NLGN4Y: variants seen among roughly 807,000 people sequenced by gnomAD.
NLGN4Y encodes neuroligin 4 Y-linked, also known as neuroligin-4, Y-linked.
Under a neutral mutation model 8.4 loss-of-function variants are expected in NLGN4Y, and 4 were observed. The observed-to-expected ratio is 0.48, with a 90% CI of 0.23 to 1.09. The LOEUF is 1.09. NLGN4Y is among the 50% of genes least tolerant of loss of function. NLGN4Y has a pLI of 0.19. For missense variants in NLGN4Y, 90 were observed against 192.3 expected (o/e 0.47, Z 3.15); for synonymous variants, 35 against 75.6 (o/e 0.46, Z 2.78).
chrY:14,818,614 C>T (rs778265557), intron 4 of NLGN4Y, among the ~76,000 whole-genome samples: 1 of 33,333 alleles, frequency 3.0e-5, no homozygotes, highest in African/African-American at 1.2e-4. Context: ...AACCTTTGTC[C>T]TCTGGGGCAG....
At position 14,741,765 on chromosome Y, in the gene NLGN4Y, T is replaced by C. The variant is rs978581092; in HGVS notation, c.685+18496T>C. 3.2e-4 allele frequency among the ~76,000 whole-genome samples: 11 copies of C among 34,045 alleles called. No homozygotes were observed. The East Asian group carries it at 8.6e-3, about 27-fold the overall frequency. 91.3% of individuals were successfully genotyped at this position (34,045 alleles called of 37,273 possible). On this transcript the variant is annotated intron_variant, in intron 4 of 6. Transcript: ENST00000684976. ...TTTTTCCTCCTTTTTTTTCCCCCGA[T>C]GTTTAAAATGCAACTGCCATGGGGC...
chrY:14,530,557 A>G, intron 1 of NLGN4Y, among the ~76,000 whole-genome samples: 1 of 32,881 alleles, frequency 3.0e-5, no homozygotes, highest in Admixed American at 2.8e-4. Flanking sequence ...TGGTGAAACT[A>G]TATGTGTGAC....
intron 2 of NLGN4Y, among the ~76,000 whole-genome samples, chrY:14,671,293 A>G (rs375307285): frequency 3.0e-5 from 1 of 32,907 alleles, no homozygotes; most frequent in Non-Finnish European, 7.5e-5. Flanking sequence ...TGTTTGGGAG[A>G]CCAAGGAGTG....
At chrY:14,813,907 TA>T (rs2043091967) in intron 4 of NLGN4Y, among the ~76,000 whole-genome samples, 1 of 32,969 alleles carries the variant, frequency 3.0e-5, no homozygotes, top group Non-Finnish European at 7.5e-5. Context: ...GAGTAAAACT[TA>T]AAAGCCAAAA....
chrY:14,618,714 T>C (rs758889589), intron 1 of NLGN4Y, among the ~76,000 whole-genome samples: 1 of 32,878 alleles, frequency 3.0e-5, no homozygotes, highest in African/African-American at 1.2e-4. Flanking sequence ...CCACCAGGGG[T>C]CATTCAGCAC....
chrY:14,710,279 G>A (rs2080895438), intron 2 of NLGN4Y, among the ~76,000 whole-genome samples: 3 of 33,529 alleles, frequency 8.9e-5, no homozygotes, highest in African/African-American at 1.2e-4. Context: ...TTGGGAGGCC[G>A]AGGTGGCAGA....
At chrY:14,648,114 G>C (rs1052221220) in intron 2 of NLGN4Y, among the ~76,000 whole-genome samples, 22 of 34,258 alleles carry the variant, frequency 6.4e-4, no homozygotes, top group African/African-American at 2.5e-3. Flanking sequence ...ATAGGAAAAA[G>C]TTAAAGCACA....
intron 4 of NLGN4Y, among the ~76,000 whole-genome samples, chrY:14,780,567 T>C (rs2042940544): frequency 6.1e-5 from 2 of 32,711 alleles, no homozygotes; most frequent in African/African-American, 2.4e-4. Context: ...TGGAGCCCCA[T>C]GAGTGGAATT....
intron 1 of NLGN4Y, among the ~76,000 whole-genome samples, chrY:14,601,012 C>A: frequency 3.1e-5 from 1 of 32,159 alleles, no homozygotes; most frequent in East Asian, 7.8e-4. Flanking sequence ...CTTCTCTATC[C>A]CTCCCATTAC....
At chrY:14,688,036 G>A in intron 2 of NLGN4Y, among the ~76,000 whole-genome samples, 7 of 33,109 alleles carry the variant, frequency 2.1e-4, no homozygotes, top group Admixed American at 1.9e-3. Context: ...TTTGGATGTG[G>A]AGTGTGGGAG....
chrY:14,758,656 G>A, intron 4 of NLGN4Y, among the ~76,000 whole-genome samples: 1 of 32,844 alleles, frequency 3.0e-5, no homozygotes, highest in African/African-American at 1.2e-4. Context: ...TTGTTTTGAG[G>A]CAGGGTCTCT....
chrY:14,541,843 C>A, intron 1 of NLGN4Y, among the ~76,000 whole-genome samples: 1 of 33,500 alleles, frequency 3.0e-5, no homozygotes, highest in East Asian at 7.9e-4. Flanking sequence ...CCAGTCACTG[C>A]AAAAACATAT....
chrY:14,782,257 A>C (rs2042946145), intron 4 of NLGN4Y, among the ~76,000 whole-genome samples: 4 of 33,353 alleles, frequency 1.2e-4, no homozygotes, highest in Non-Finnish European at 3.0e-4. Context: ...TGATAGATAG[A>C]AATGGATGCA....
intron 4 of NLGN4Y, among the ~76,000 whole-genome samples, chrY:14,821,322 C>T: frequency 3.0e-5 from 1 of 33,656 alleles, no homozygotes; most frequent in African/African-American, 1.2e-4. Context: ...AAGAACAAAG[C>T]TTCCACAGAA....
intron 1 of NLGN4Y, among the ~76,000 whole-genome samples, chrY:14,568,593 G>A: frequency 3.0e-5 from 1 of 33,152 alleles, no homozygotes; most frequent in Non-Finnish European, 7.4e-5. Flanking sequence ...ATGACGATAT[G>A]TGGGAGGAAA....
intron 5 of NLGN4Y, among the ~76,000 whole-genome samples, chrY:14,828,746 T>TA (rs2043158795): frequency 3.0e-5 from 1 of 33,653 alleles, no homozygotes; most frequent in African/African-American, 1.2e-4. Context: ...CATCTGGACT[T>TA]ACAGCTGAAT....
intron 4 of NLGN4Y, among the ~76,000 whole-genome samples, chrY:14,773,291 G>A (rs964583085): frequency 6.0e-5 from 2 of 33,237 alleles, no homozygotes; most frequent in Non-Finnish European, 1.5e-4. Context: ...CAAACAGAGA[G>A]CCAAATCATG....
intron 2 of NLGN4Y, among the ~76,000 whole-genome samples, chrY:14,654,870 T>C: frequency 3.0e-5 from 1 of 33,348 alleles, no homozygotes; most frequent in African/African-American, 1.2e-4. Context: ...TTTAGAATAT[T>C]GTGTCTTTGG....
chrY:14,709,866 T>C, intron 2 of NLGN4Y, among the ~76,000 whole-genome samples: 1 of 33,578 alleles, frequency 3.0e-5, no homozygotes, highest in African/African-American at 1.2e-4. Context: ...CTGTATACTA[T>C]ACCACCCAGA....
Sources: gnomAD v4.1 joint callset for allele counts (sites outside exome capture counted in the v4.1 genomes callset) on GRCh38, gnomAD v4.1.1 for gene constraint, MANE v1.5 for transcripts, NCBI Gene and HGNC (gene_info 2026-07-23, HGNC 2026-07-21) for gene names.